The following ARHGAP24 variants were observed in gnomAD, a reference collection of about 807,000 sequenced individuals.
ARHGAP24 encodes Rho GTPase activating protein 24.
Under a neutral mutation model 76.4 loss-of-function variants are expected in ARHGAP24, and 50 were observed. That is an observed-to-expected ratio of 0.65 (90% CI 0.52 to 0.83). ARHGAP24 has a LOEUF of 0.83. Among genes scored for constraint, ARHGAP24 ranks in the 40% least tolerant of loss-of-function variants. The pLI is 0.00. For synonymous variants in ARHGAP24, 345 were observed against 323.3 expected, an observed-to-expected ratio of 1.07 and a Z score of -0.72; for missense variants, 930 against 914.2, an observed-to-expected ratio of 1.02 and a Z score of -0.22.
intron 1 of ARHGAP24, among the ~76,000 whole-genome samples, chr4:85,569,313 T>C (rs1437048562): frequency 6.6e-6 from 1 of 152,158 alleles, no homozygotes; most frequent in East Asian, 1.9e-4. Flanking sequence ...TATAACCTCA[T>C]CAAAGACACA....
At chr4:85,621,917 A>G (rs1003501140) in intron 2 of ARHGAP24, among the ~76,000 whole-genome samples, 1 of 152,104 alleles carries the variant, frequency 6.6e-6, no homozygotes, top group Non-Finnish European at 1.5e-5. Context: ...TTTAGTCATT[A>G]ATCAATCTTG....
intron 1 of ARHGAP24, among the ~76,000 whole-genome samples, chr4:85,504,690 C>T (rs1474056510): frequency 6.6e-6 from 1 of 152,104 alleles, no homozygotes; most frequent in African/African-American, 2.4e-5. Flanking sequence ...CAGTTGGTGT[C>T]TTTTAATTGG....
At chr4:85,821,494 C>G (rs1729469277) in intron 3 of ARHGAP24, among the ~76,000 whole-genome samples, 1 of 152,218 alleles carries the variant, frequency 6.6e-6, no homozygotes, top group African/African-American at 2.4e-5. Flanking sequence ...CTGCCTCAGT[C>G]TCTTGGACAG....
At chr4:85,550,681 G>T (rs560037882) in intron 1 of ARHGAP24, among the ~76,000 whole-genome samples, 1 of 152,210 alleles carries the variant, frequency 6.6e-6, no homozygotes, top group African/African-American at 2.4e-5. Context: ...TTATCCCTGA[G>T]CATGGAATGT....
intron 3 of ARHGAP24, among the ~76,000 whole-genome samples, chr4:85,887,116 A>G (rs897506764): frequency 4.6e-5 from 7 of 152,136 alleles, no homozygotes; most frequent in Admixed American, 2.0e-4. Context: ...TGTATCATCT[A>G]TATGTATGAA....
chr4:85,634,127 C>A (rs1380508896), intron 2 of ARHGAP24, among the ~76,000 whole-genome samples: 1 of 151,770 alleles, frequency 6.6e-6, no homozygotes, highest in Non-Finnish European at 1.5e-5. Context: ...ATTATTTAGT[C>A]CCCTTTCAAT....
At chr4:85,800,109 A>G (rs1728516147) in intron 3 of ARHGAP24, among the ~76,000 whole-genome samples, 1 of 152,234 alleles carries the variant, frequency 6.6e-6, no homozygotes, top group Admixed American at 6.5e-5. Context: ...AGTTTATAAT[A>G]CTGTACCAAA....
At chr4:85,680,739 CTT>C (rs1429002387) in intron 2 of ARHGAP24, among the ~76,000 whole-genome samples, 4 of 150,334 alleles carry the variant, frequency 2.7e-5, no homozygotes, top group Non-Finnish European at 4.4e-5. Flanking sequence ...GCCTGGATGT[CTT>C]TGCATTATTC....
chr4:85,874,843 TA>T (rs1732750980), intron 3 of ARHGAP24, among the ~76,000 whole-genome samples: 1 of 97,952 alleles, frequency 1.0e-5, no homozygotes, highest in African/African-American at 4.2e-5. Context: ...AATATATTTT[TA>T]TATAATTTAT....
chr4:85,928,636 A>G (rs1164551253), intron 4 of ARHGAP24, among the ~76,000 whole-genome samples: 1 of 151,678 alleles, frequency 6.6e-6, no homozygotes, highest in Non-Finnish European at 1.5e-5. Context: ...TTTTTTTTGT[A>G]TTTTTAGTAG....
At chr4:85,879,037 T>A (rs1244652105) in intron 3 of ARHGAP24, among the ~76,000 whole-genome samples, 1 of 152,194 alleles carries the variant, frequency 6.6e-6, no homozygotes, top group African/African-American at 2.4e-5. Context: ...TTACAAACGA[T>A]GGCTGCTGAA....
intron 3 of ARHGAP24, among the ~76,000 whole-genome samples, chr4:85,886,775 A>C (rs1733591307): frequency 6.6e-6 from 1 of 152,118 alleles, no homozygotes; most frequent in Admixed American, 6.6e-5. Context: ...AAATAGTTTA[A>C]ATTAACCCCT....
Position 86,000,449 on chromosome 4 carries a change from ACCCCCCACCC to A in ARHGAP24, c.2004-24_2004-15del. 1.8e-5 allele frequency: 7 copies of A among 383,168 alleles called. No individual in the cohort carries two copies. Among genetic ancestry groups the A allele is most frequent in the Non-Finnish European group, 3.3e-5 (7 of 213,640 alleles). The allele number at this position is 383,168 out of a possible 1,614,324, so 23.7% of individuals were successfully genotyped here. A position where few individuals can be genotyped will look rare whatever the true frequency, so the allele number is the denominator to read the frequency against. On this transcript the variant is annotated intron_variant, in intron 9 of 9. Coordinates refer to ENST00000395184, the MANE Select transcript of ARHGAP24 (RefSeq NM_001025616.3). ...CTTTATCTCTTACTCTTGCGTCCCC[ACCCCCCACCC>A]CCCCCAACATCCTTTGTAGCTTAGA... is the stretch of plus-strand genomic sequence containing the variant.
chr4:85,629,300 A>G (rs984113722), intron 2 of ARHGAP24, among the ~76,000 whole-genome samples: 3 of 152,202 alleles, frequency 2.0e-5, no homozygotes, highest in Non-Finnish European at 2.9e-5. Context: ...TGTCTTTAAT[A>G]TATTGTGTAT....
At chr4:85,926,689 C>T (rs1736039675) in intron 4 of ARHGAP24, among the ~76,000 whole-genome samples, 1 of 152,140 alleles carries the variant, frequency 6.6e-6, no homozygotes, top group Admixed American at 6.5e-5. Flanking sequence ...TATTACGTTT[C>T]CACTTAACAT....
intron 1 of ARHGAP24, among the ~76,000 whole-genome samples, chr4:85,570,190 T>C (rs998627639): frequency 2.0e-5 from 3 of 152,174 alleles, no homozygotes; most frequent in Admixed American, 6.5e-5. Flanking sequence ...CTGGGCATAT[T>C]GTTGCCAGGT....
intron 1 of ARHGAP24, among the ~76,000 whole-genome samples, chr4:85,477,364 T>C (rs991507844): frequency 6.6e-6 from 1 of 152,180 alleles, no homozygotes; most frequent in Non-Finnish European, 1.5e-5. Context: ...TCTGAACTAT[T>C]TTGAAAATAT....
chr4:85,859,551 T>C (rs73833936), intron 3 of ARHGAP24, among the ~76,000 whole-genome samples: 4,495 of 152,224 alleles, frequency 0.03, 136 homozygotes, highest in African/African-American at 0.079. Flanking sequence ...AAATATTCTC[T>C]ATAAATAAGC....
intron 2 of ARHGAP24, among the ~76,000 whole-genome samples, chr4:85,688,608 C>A (rs1246824992): frequency 6.6e-6 from 1 of 152,120 alleles, no homozygotes; most frequent in African/African-American, 2.4e-5. Context: ...GTTTCTGTTG[C>A]CATTGCTTTT....
Sources: allele counts gnomAD v4.1 joint callset (sites outside exome capture counted in the v4.1 genomes callset), GRCh38; gene constraint gnomAD v4.1.1; transcripts MANE v1.5; gene names NCBI Gene and HGNC (gene_info 2026-07-23, HGNC 2026-07-21).